Variants in TRRAP observed in about 807,000 individuals in gnomAD.
The protein encoded by TRRAP is transformation/transcription domain associated protein, also known as transformation/transcription domain-associated protein.
TRRAP carries 41 observed loss-of-function variants against 438.8 expected under a neutral mutation model. That is an observed-to-expected ratio of 0.09 (90% CI 0.07 to 0.12). The LOEUF is 0.12. Among genes scored for constraint, TRRAP ranks in the 10% least tolerant of loss-of-function variants. The probability of loss-of-function intolerance (pLI) is 1.00; values close to 1 mark genes in which losing one functional copy is unlikely to be tolerated. For synonymous variants in TRRAP, 1,994 were observed against 1,962.9 expected, an observed-to-expected ratio of 1.02 and a Z score of -0.42; for missense variants, 3,122 against 5,055.1, an observed-to-expected ratio of 0.62 and a Z score of 11.60.
chr7:98,937,947 G>A (rs1474431006), intron 30 of TRRAP, 127 bp downstream of exon 30: 2 of 1,080,686 alleles, frequency 1.9e-6, no homozygotes, highest in Non-Finnish European at 2.5e-6. Flanking sequence ...GGCCGAGGTG[G>A]GTGGATCGCT....
rs891845290 is a variant in TRRAP at position 99,013,119 on chromosome 7, G to C, written c.*764G>C. ...TAATTTAAAAAGACAAAACAGAAAT[G>C]TACGTTCCTTCGCTAGCTTTAGTCT... is the stretch of plus-strand genomic sequence containing the variant. On this transcript the variant is annotated 3_prime_UTR_variant, in exon 73 of 73. Coordinates refer to ENST00000456197, the MANE Select transcript of TRRAP (RefSeq NM_001375524.1). 4 of 152,182 alleles carry C rather than the reference G, an allele frequency of 2.6e-5. No individual in the cohort carries two copies. Among genetic ancestry groups the C allele is most frequent in the African/African-American group, 4.8e-5 (2 of 41,444 alleles). 9.4% of individuals were successfully genotyped at this position (152,182 alleles called of 1,614,324 possible). A position where few individuals can be genotyped will look rare whatever the true frequency, so the allele number is the denominator to read the frequency against.
intron 25 of TRRAP, 152 bp from the exon 26 acceptor site, chr7:98,931,253 A>G: frequency 9.1e-7 from 1 of 1,098,106 alleles, no homozygotes; most frequent in Non-Finnish European, 1.3e-6. Context: ...CTAAAGCACC[A>G]AGTGGGTGCC....
chr7:99,004,338 G>A lies in TRRAP; in HGVS notation c.10458G>A (p.Ser3486=), dbSNP rs377353131. The stretch of plus-strand genomic sequence containing the variant: ...AGTGCCGGTTCTTGAGCAATTTCTC[G>A]GCACAGACAGCTGAAGTGGAAATTC... ...EEKCRFLSNF[S]AQTAEVEIPG... is the part of the protein sequence containing the mutation. Residue 3486 remains serine (S), a synonymous_variant, in exon 68 of 73, where the codon TCG becomes TCA. Coordinates refer to ENST00000456197, the MANE Select transcript of TRRAP (RefSeq NM_001375524.1). The A allele has an allele frequency of 2.3e-5, 37 of 1,614,006 alleles. No homozygotes were observed. Among genetic ancestry groups the A allele is most frequent in the Non-Finnish European group, 2.9e-5 (34 of 1,180,026 alleles).
At chr7:98,881,924 A>G (rs1554403173) in intron 2 of TRRAP, 51 bp from the exon 3 acceptor site, 2 of 1,580,758 alleles carry the variant, frequency 1.3e-6, no homozygotes, top group Non-Finnish European at 1.7e-6. Context: ...GCATTAACAT[A>G]ATTTCCTTAA....
Position 98,953,054 on chromosome 7 carries a change from TG to T in TRRAP, c.5464-112del, listed in dbSNP as rs1554418559. On this transcript the variant is annotated intron_variant, in intron 39 of 72. Coordinates refer to ENST00000456197, the MANE Select transcript of TRRAP (RefSeq NM_001375524.1). ...CATTGTGTGTGTGTGTGTGTGTGTGTGTGTGTGTGTGTGTGTGTGTGTGTGT... is the reference window on the plus strand; with the variant it reads ...CATTGTGTGTGTGTGTGTGTGTGTGTTGTGTGTGTGTGTGTGTGTGTGTGT... The T allele has an allele frequency of 1.7e-3, 84 of 49,670 alleles. 1 individual carries two copies. The highest frequency in any genetic ancestry group is 7.5e-3 in the Non-Finnish European group (76 of 10,114). 3.1% of individuals were successfully genotyped at this position (49,670 alleles called of 1,614,324 possible). A position where few individuals can be genotyped will look rare whatever the true frequency, so the allele number is the denominator to read the frequency against.
At chr7:98,993,804 G>A (rs972978127) in intron 66 of TRRAP, 67 bp downstream of exon 66, 5 of 1,514,516 alleles carry the variant, frequency 3.3e-6, no homozygotes, top group Non-Finnish European at 4.6e-6. Context: ...GTATGCTTCT[G>A]TGGCTCTCTT....
intron 58 of TRRAP, among the ~76,000 whole-genome samples, chr7:98,979,463 A>G (rs1005137266): frequency 2.0e-5 from 3 of 152,202 alleles, no homozygotes; most frequent in Non-Finnish European, 4.4e-5. Flanking sequence ...GACAAGAAAA[A>G]GCTCTGTACA....
At chr7:98,945,891 G>A in intron 32 of TRRAP, 39 bp from the exon 33 acceptor site, 1 of 1,560,806 alleles carries the variant, frequency 6.4e-7, no homozygotes. Context: ...TTACCTTTCT[G>A]TTGCCTTTTT....
chr7:98,993,753 C>G lies in TRRAP; in HGVS notation c.10047+16C>G. The G allele has an allele frequency of 3.1e-6, 5 of 1,613,678 alleles. No individual in the cohort carries two copies. The highest frequency in any genetic ancestry group is 4.2e-6 in the Non-Finnish European group (5 of 1,179,586). On this transcript the variant is annotated intron_variant, in intron 66 of 72. Coordinates refer to ENST00000456197, the MANE Select transcript of TRRAP (RefSeq NM_001375524.1). ...GCATGAAGAGGTATTTGGCTCTGAT[C>G]TTGCACATGGTGGCTCCTTGTAGAG...
Position 98,945,924 on chromosome 7 carries a change from G to A in TRRAP, c.4528-6G>A. 6.6e-7 allele frequency: 1 copy of A among 1,507,430 alleles called. No homozygotes were observed. The highest frequency in any genetic ancestry group is 1.2e-5 in the South Asian group (1 of 82,950). 93.4% of individuals were successfully genotyped at this position (1,507,430 alleles called of 1,614,324 possible). A position where few individuals can be genotyped will look rare whatever the true frequency, so the allele number is the denominator to read the frequency against. ...TTTTCATGCTGTAATTTTTGTTTTG[G>A]TTCAGCCTGCCATGGAAGGGGTAGA... On this transcript the variant is annotated splice_polypyrimidine_tract_variant and splice_region_variant and intron_variant, in intron 32 of 72. Transcript: ENST00000456197.
At chr7:98,925,413 C>T in intron 22 of TRRAP, 150 bp downstream of exon 22, 1 of 1,170,168 alleles carries the variant, frequency 8.5e-7, no homozygotes, top group Admixed American at 2.9e-5. Context: ...CTTGTTGGGG[C>T]CTTAGAGAAA....
At chr7:98,928,607 G>A (rs935255015) in intron 23 of TRRAP, among the ~76,000 whole-genome samples, 10 of 152,248 alleles carry the variant, frequency 6.6e-5, no homozygotes, top group African/African-American at 1.9e-4. Context: ...TGCTGTGGCC[G>A]ACTGTTCTCT....
At chr7:98,888,229 CAAAA>C (rs1169797218) in intron 3 of TRRAP, among the ~76,000 whole-genome samples, 8 of 131,900 alleles carry the variant, frequency 6.1e-5, no homozygotes, top group Non-Finnish European at 9.8e-5. Flanking sequence ...GACTCCATCT[CAAAA>C]AAAAAAAAAA....
At chr7:98,971,503 C>G (rs1398134436) in intron 52 of TRRAP, among the ~76,000 whole-genome samples, 1 of 152,196 alleles carries the variant, frequency 6.6e-6, no homozygotes, top group African/African-American at 2.4e-5. Flanking sequence ...TTCCATTAAT[C>G]TTTATTATTT....
Position 98,924,614 on chromosome 7 carries a change from G to A in TRRAP, c.2824-498G>A, listed in dbSNP as rs1448331584. On this transcript the variant is annotated intron_variant, in intron 21 of 72. Coordinates refer to ENST00000456197, the MANE Select transcript of TRRAP (RefSeq NM_001375524.1). Reference sequence around the variant, plus strand: ...TGAGGCAGGAGAATGGCGTGAACCCGGGAGGCAGAGCTTGCAGTGAGCGGA... The same window carrying A: ...TGAGGCAGGAGAATGGCGTGAACCCAGGAGGCAGAGCTTGCAGTGAGCGGA... 4.0e-5 allele frequency among the ~76,000 whole-genome samples: 6 copies of A among 150,618 alleles called. No individual in the cohort carries two copies. In the East Asian group the frequency reaches 9.7e-4, roughly 24 times the overall value.
intron 39 of TRRAP, among the ~76,000 whole-genome samples, chr7:98,952,551 C>CA (rs1791388870): frequency 6.6e-6 from 1 of 152,130 alleles, no homozygotes; most frequent in Non-Finnish European, 1.5e-5. Context: ...ATTTGTAAAC[C>CA]AAAAAGTATC....
intron 17 of TRRAP, among the ~76,000 whole-genome samples, chr7:98,911,630 G>C (rs1789279360): frequency 6.6e-6 from 1 of 152,112 alleles, no homozygotes. Context: ...GCTGGGTGTG[G>C]TGGCACACAC....
At chr7:98,884,233 C>T (rs1481233576) in intron 3 of TRRAP, among the ~76,000 whole-genome samples, 3 of 151,978 alleles carry the variant, frequency 2.0e-5, no homozygotes, top group Non-Finnish European at 2.9e-5. Flanking sequence ...ATTCATCTTG[C>T]AATCTTTTTG....
At chr7:98,988,715 C>A (rs1039661964) in intron 62 of TRRAP, 50 bp from the exon 63 acceptor site, 2 of 1,591,610 alleles carry the variant, frequency 1.3e-6, no homozygotes, top group Non-Finnish European at 8.6e-7. Context: ...TTACGTGAAG[C>A]TCGCTTCAAT....
Sources: allele counts gnomAD v4.1 joint callset (sites outside exome capture counted in the v4.1 genomes callset), GRCh38; gene constraint gnomAD v4.1.1; transcripts MANE v1.5; gene names NCBI Gene and HGNC (gene_info 2026-07-23, HGNC 2026-07-21).